The following ZNF98 variants were observed in gnomAD, a reference collection of about 807,000 sequenced individuals.
ZNF98 encodes the protein zinc finger protein 739.
ZNF98 carries 8 observed loss-of-function variants against 12.8 expected under a neutral mutation model. The ratio of observed to expected loss-of-function variants is 0.63; its 90% CI spans 0.37 to 1.13. The LOEUF is 1.13. ZNF98 is among the 50% of genes most tolerant of loss of function. The probability of loss-of-function intolerance (pLI) is 0.01; values close to 1 mark genes in which losing one functional copy is unlikely to be tolerated. For missense variants in ZNF98, 379 were observed against 666.1 expected, an observed-to-expected ratio of 0.57 and a Z score of 4.74; for synonymous variants, 112 against 223.5, an observed-to-expected ratio of 0.50 and a Z score of 4.45.
At chr19:22,398,480 C>T (rs1163448312) in intron 3 of ZNF98, among the ~76,000 whole-genome samples, 2 of 151,364 alleles carry the variant, frequency 1.3e-5, no homozygotes, top group Non-Finnish European at 2.9e-5. Context: ...ATCCTCCCTC[C>T]TCAATCTCCC....
chr19:22,392,922 G>C lies in ZNF98; in HGVS notation c.313C>G (p.Gln105Glu). The change falls in exon 4 of 4, where the codon CAA (glutamine) becomes GAA (glutamate). Residue 105 changes from glutamine to glutamate, a missense_variant. Transcript: ENST00000357774. Reference protein sequence around the residue: ...WPKQGKKNYFQKVILRTYKKC... With the variant: ...WPKQGKKNYFEKVILRTYKKC... ...TTATATGTTCTCAGTATCACTTTTT[G>C]GAAATAATTTTTTTTGCCCTGCTTT... 1 of 1,583,776 alleles carries C rather than the reference G, an allele frequency of 6.3e-7. No homozygotes were observed. The highest frequency in any genetic ancestry group is 1.4e-5 in the African/African-American group (1 of 73,864).
Position 22,422,334 on chromosome 19 carries a change from G to T in ZNF98, c.-110C>A. ...CGAGACCAGGAACTCCGGCTGCAGC[G>T]AGAGACAAAGACCCCGCCACATCCC... is the stretch of plus-strand genomic sequence containing the variant. On this transcript the variant is annotated 5_prime_UTR_variant, in exon 1 of 4. Transcript: ENST00000357774. 1.5e-6 allele frequency: 2 copies of T among 1,339,446 alleles called. No homozygotes were observed. The highest frequency in any genetic ancestry group is 2.5e-5 in the East Asian group (1 of 40,788). The allele number at this position is 1,339,446 out of a possible 1,614,324, so 83.0% of individuals were successfully genotyped here.
At chr19:22,403,268 AAAC>A (rs1265091195) in intron 2 of ZNF98, 115 bp downstream of exon 2, 5 of 1,305,230 alleles carry the variant, frequency 3.8e-6, no homozygotes, top group Non-Finnish European at 2.1e-6. Flanking sequence ...TAAAAAAAAA[AAAC>A]AAAAAAAAAA....
intron 1 of ZNF98, among the ~76,000 whole-genome samples, chr19:22,407,453 C>T (rs2145116985): frequency 6.6e-6 from 1 of 150,946 alleles, no homozygotes; most frequent in African/African-American, 2.4e-5. Context: ...GTGGCTCACG[C>T]CTGTAATCCC....
intron 3 of ZNF98, among the ~76,000 whole-genome samples, chr19:22,396,932 C>T (rs1202438232): frequency 1.3e-5 from 2 of 151,932 alleles, no homozygotes; most frequent in African/African-American, 2.4e-5. Flanking sequence ...ACTGGCCTGG[C>T]CAACATGGTG....
At position 22,402,872 on chromosome 19, in the gene ZNF98, G is replaced by C. The variant is rs781330156; in HGVS notation, c.170C>G (p.Ser57Cys). ...RNLVFVGIAASKPDLITCLEQ... is the reference protein window; with the variant it reads ...RNLVFVGIAACKPDLITCLEQ... Reference sequence around the variant, plus strand: ...CAGACAGGTGATCAGGTCTGGCTTAGAGGCAGCAATACCTGTTTTATTACA... The same window carrying C: ...CAGACAGGTGATCAGGTCTGGCTTACAGGCAGCAATACCTGTTTTATTACA... Residue 57 changes from serine (S) to cysteine (C), a missense_variant, in exon 3 of 4, where the codon TCT (serine) becomes TGT (cysteine). Physicochemically the swap from Ser to Cys is moderately radical, Grantham distance 112 (BLOSUM62 -1). Transcript: ENST00000357774. 1.9e-6 allele frequency: 3 copies of C among 1,580,332 alleles called. No individual in the cohort carries two copies. Among genetic ancestry groups the C allele is most frequent in the East Asian group, 2.3e-5 (1 of 44,312 alleles).
chr19:22,421,498 T>C (rs921720065), intron 1 of ZNF98, among the ~76,000 whole-genome samples: 1 of 152,172 alleles, frequency 6.6e-6, no homozygotes, highest in Non-Finnish European at 1.5e-5. Flanking sequence ...AATGCATTTT[T>C]TTAATAGAAA....
At chr19:22,394,633 C>G (rs986168968) in intron 3 of ZNF98, among the ~76,000 whole-genome samples, 1 of 147,696 alleles carries the variant, frequency 6.8e-6, no homozygotes, top group African/African-American at 2.5e-5. Flanking sequence ...GGGAATTGAG[C>G]AATGAGAATA....
At chr19:22,422,147 C>T (rs867981251) in intron 1 of ZNF98, 48 bp downstream of exon 1, 1 of 1,611,686 alleles carries the variant, frequency 6.2e-7, no homozygotes, top group Non-Finnish European at 8.5e-7. Context: ...CCACCGGTTC[C>T]AACCAGCCCC....
intron 3 of ZNF98, among the ~76,000 whole-genome samples, chr19:22,397,212 T>TTGTGTGTGTGTGTG (rs3084811): frequency 1.4e-5 from 2 of 145,220 alleles, no homozygotes; most frequent in African/African-American, 5.2e-5. Flanking sequence ...GTGTGTGTTT[T>TTGTGTGTGTGTGTG]TGTGTGTGTG....
At chr19:22,403,622 A>G (rs1969486519) in intron 1 of ZNF98, 110 bp from the exon 2 acceptor site, 2 of 1,013,096 alleles carry the variant, frequency 2.0e-6, no homozygotes, top group Non-Finnish European at 2.8e-6. Flanking sequence ...TACTTATAGG[A>G]GTGACTGATA....
At chr19:22,398,117 TCA>T (rs983979662) in intron 3 of ZNF98, among the ~76,000 whole-genome samples, 2 of 152,042 alleles carry the variant, frequency 1.3e-5, no homozygotes, top group African/African-American at 2.4e-5. Flanking sequence ...AAAATATTAC[TCA>T]GTTTGAAAAA....
Position 22,395,708 on chromosome 19 carries a change from A to T in ZNF98, c.254-2727T>A, listed in dbSNP as rs549785096. 4.6e-5 allele frequency among the ~76,000 whole-genome samples: 7 copies of T among 152,318 alleles called. No homozygotes were observed. In the East Asian group the frequency reaches 1.3e-3, roughly 29 times the overall value. On this transcript the variant is annotated intron_variant, in intron 3 of 3. Coordinates refer to ENST00000357774, the MANE Select transcript of ZNF98 (RefSeq NM_001098626.2). Reference sequence around the variant, plus strand: ...CACACACAGATATTTAAACAAATACATATTAAGCACATTTTCAAAAATCAC... The same window carrying T: ...CACACACAGATATTTAAACAAATACTTATTAAGCACATTTTCAAAAATCAC...
intron 1 of ZNF98, among the ~76,000 whole-genome samples, chr19:22,411,698 T>G (rs1037912099): frequency 1.3e-5 from 2 of 152,226 alleles, no homozygotes; most frequent in Non-Finnish European, 2.9e-5. Context: ...CTACATATAA[T>G]CTAAATGCGT....
intron 1 of ZNF98, 133 bp downstream of exon 1, chr19:22,422,062 G>A: frequency 8.5e-7 from 1 of 1,177,888 alleles, no homozygotes; most frequent in Non-Finnish European, 1.3e-6. Context: ...CTGAGGCCGA[G>A]CTAGGCAAGG....
At chr19:22,420,164 AAAAGAAAAAAAG>A (rs1969688982) in intron 1 of ZNF98, among the ~76,000 whole-genome samples, 1 of 152,146 alleles carries the variant, frequency 6.6e-6, no homozygotes, top group South Asian at 2.1e-4. Flanking sequence ...CTCCGTCTCA[AAAAGAAAAAAAG>A]AAAGAAAACA....
chr19:22,401,423 C>A (rs1441749354), intron 3 of ZNF98, among the ~76,000 whole-genome samples: 3 of 151,466 alleles, frequency 2.0e-5, no homozygotes, highest in Non-Finnish European at 2.9e-5. Context: ...ATAAAAGATA[C>A]ATCAATAATT....
chr19:22,394,195 G>A (rs1481975367), intron 3 of ZNF98, among the ~76,000 whole-genome samples: 1 of 145,648 alleles, frequency 6.9e-6, no homozygotes, highest in Non-Finnish European at 1.5e-5. Flanking sequence ...AACAGGTGCT[G>A]GAGAGGATGT....
chr19:22,395,573 C>A lies in ZNF98; in HGVS notation c.254-2592G>T, dbSNP rs370670840. On this transcript the variant is annotated intron_variant, in intron 3 of 3. Transcript: ENST00000357774. ...AAAATGAGAATAAAAACAAGAATAT[C>A]AAAATATTAAAAAAAAACAATTTGG... 7.8e-3 allele frequency among the ~76,000 whole-genome samples: 1,168 copies of A among 150,296 alleles called. 13 individuals are homozygous for A. Among genetic ancestry groups the A allele is most frequent in the Non-Finnish European group, 0.013 (862 of 67,518 alleles).
Sources: gnomAD v4.1 joint callset for allele counts (sites outside exome capture counted in the v4.1 genomes callset) on GRCh38, gnomAD v4.1.1 for gene constraint, MANE v1.5 for transcripts, NCBI Gene and HGNC (gene_info 2026-07-23, HGNC 2026-07-21) for gene names.